Variants in WNT9B observed in about 807,000 individuals in gnomAD.
WNT9B encodes protein Wnt-9b.
WNT9B carries 12 observed loss-of-function variants against 30.2 expected under a neutral mutation model. The observed-to-expected ratio is 0.40, with a 90% CI of 0.26 to 0.64. The LOEUF (loss-of-function observed/expected upper bound fraction) is 0.64. WNT9B is among the 30% of genes least tolerant of loss of function. The pLI is 0.42. For synonymous variants in WNT9B, 218 were observed against 216.9 expected, an observed-to-expected ratio of 1.01 and a Z score of -0.05; for missense variants, 442 against 485.2, an observed-to-expected ratio of 0.91 and a Z score of 0.84.
chr17:46,873,088 ACAC>A, intron 2 of WNT9B, among the ~76,000 whole-genome samples: 1 of 2,534 alleles, frequency 3.9e-4, no homozygotes, highest in Non-Finnish European at 9.6e-4. Context: ...CTGCCTCTTC[ACAC>A]ACACACACAC....
At chr17:46,837,278 C>A (rs964730376) in intron 1 of WNT9B, among the ~76,000 whole-genome samples, 3 of 152,114 alleles carry the variant, frequency 2.0e-5, no homozygotes, top group African/African-American at 7.2e-5. Context: ...TTGTTTTGCC[C>A]CCTTCATCCC....
chr17:46,848,497 C>T (rs1340534158), upstream of WNT9B, among the ~76,000 whole-genome samples: 1 of 152,244 alleles, frequency 6.6e-6, no homozygotes, highest in Non-Finnish European at 1.5e-5. Context: ...TCATTTATGG[C>T]ACAGGCTGTA....
At chr17:46,864,375 TC>T (rs2085097389) in intron 1 of WNT9B, among the ~76,000 whole-genome samples, 1 of 152,144 alleles carries the variant, frequency 6.6e-6, no homozygotes, top group South Asian at 2.1e-4. Flanking sequence ...CCAGGCCCTC[TC>T]CTTTGAACTT....
upstream of WNT9B, chr17:46,851,551 G>A: frequency 5.8e-6 from 4 of 689,092 alleles, no homozygotes; most frequent in Non-Finnish European, 8.0e-6. This position sits in a 1 kb window ranked among gnomAD's most constrained non-coding sequence, Gnocchi z 4.3. Flanking sequence ...CGCCCCACCC[G>A]GGTTTAAAGT....
chr17:46,868,242 C>T (rs772277984), intron 1 of WNT9B, among the ~76,000 whole-genome samples: 4 of 151,398 alleles, frequency 2.6e-5, no homozygotes, highest in African/African-American at 4.8e-5. Context: ...ACCCTGGTTA[C>T]TTGTTTAACT....
At chr17:46,844,466 C>A (rs2084751216) in intron 1 of WNT9B, among the ~76,000 whole-genome samples, 1 of 152,106 alleles carries the variant, frequency 6.6e-6, no homozygotes, top group African/African-American at 2.4e-5. Context: ...AACTGTCTAC[C>A]AGTCAGGACA....
chr17:46,857,474 CAAAAAAAAA>C (rs35196121), intron 1 of WNT9B, among the ~76,000 whole-genome samples: 1 of 94,652 alleles, frequency 1.1e-5, no homozygotes, highest in Admixed American at 1.2e-4. Flanking sequence ...GACTCTGTCT[CAAAAAAAAA>C]AAAAAAAAAA....
At chr17:46,844,644 T>C (rs994873107) in intron 1 of WNT9B, among the ~76,000 whole-genome samples, 6 of 152,174 alleles carry the variant, frequency 3.9e-5, no homozygotes, top group African/African-American at 9.7e-5. Context: ...CGTCCTTCTT[T>C]TTAGAGAGTT....
In WNT9B at chr17:46,880,296, A is replaced by T. The variant is rs772487353; in HGVS notation, c.*3578A>T. Among the ~76,000 whole-genome samples, 4 of 152,128 alleles carry T rather than the reference A, an allele frequency of 2.6e-5. No individual in the cohort carries two copies. The highest frequency in any genetic ancestry group is 4.4e-5 in the Non-Finnish European group (3 of 68,008). ...AACCCTGGACATTACTTGCTTTTGA[A>T]CCTTTCCTTTCTCAACAACCATGAA... On this transcript the variant is annotated 3_prime_UTR_variant, in exon 4 of 4. Coordinates refer to ENST00000290015, the MANE Select transcript of WNT9B (RefSeq NM_003396.3).
downstream of WNT9B, among the ~76,000 whole-genome samples, chr17:46,881,330 C>A (rs1271792043): frequency 1.3e-5 from 2 of 152,240 alleles, no homozygotes; most frequent in African/African-American, 4.8e-5. Flanking sequence ...TGTTCCTGGG[C>A]CTGGAGACCA....
At chr17:46,854,327 G>A (rs537357479) in intron 1 of WNT9B, among the ~76,000 whole-genome samples, 109 of 152,276 alleles carry the variant, frequency 7.2e-4, no homozygotes, top group African/African-American at 2.4e-3. Context: ...TTCTTCCTCC[G>A]CAGTCATTTG....
Position 46,876,913 on chromosome 17 carries a change from G to A in WNT9B, c.*195G>A, listed in dbSNP as rs2085355918. On this transcript the variant is annotated 3_prime_UTR_variant, in exon 4 of 4. Transcript: ENST00000290015. Reference sequence around the variant, plus strand: ...CTCCCTCGATACTCAACAAAGAGAAGCAAAGCCTCCTCCCTTAACCCAAGC... The same window carrying A: ...CTCCCTCGATACTCAACAAAGAGAAACAAAGCCTCCTCCCTTAACCCAAGC... The A allele has an allele frequency of 7.4e-7, 1 of 1,359,206 alleles. No homozygotes were observed. The highest frequency in any genetic ancestry group is 9.5e-7 in the Non-Finnish European group (1 of 1,056,562). The allele number at this position is 1,359,206 out of a possible 1,614,324, so 84.2% of individuals were successfully genotyped here.
intron 1 of WNT9B, among the ~76,000 whole-genome samples, chr17:46,843,789 T>C (rs2084742675): frequency 6.6e-6 from 1 of 152,240 alleles, no homozygotes; most frequent in African/African-American, 2.4e-5. Context: ...TTTACACTTA[T>C]ATAGATATGT....
chr17:46,851,827 G>A lies in WNT9B; in HGVS notation c.77+112G>A. On this transcript the variant is annotated intron_variant, in intron 1 of 3. Transcript: ENST00000290015. The surrounding 1 kb of genome is among the most constrained non-coding windows in gnomAD (Gnocchi z 4.3). ...CTGTCCTTGGCCCCGCCGAGGTCTC[G>A]AACTCAGACCCTAGCCCGGCGCGAC... The A allele has an allele frequency of 2.0e-6, 1 of 508,382 alleles. No homozygotes were observed. Among genetic ancestry groups the A allele is most frequent in the Non-Finnish European group, 3.0e-6 (1 of 331,302 alleles). 31.5% of individuals were successfully genotyped at this position (508,382 alleles called of 1,614,324 possible).
chr17:46,835,068 C>A (rs1169558893), intron 1 of WNT9B, among the ~76,000 whole-genome samples: 12 of 152,200 alleles, frequency 7.9e-5, no homozygotes, highest in Admixed American at 7.9e-4. Flanking sequence ...GATCAGTGCT[C>A]ACTGTAGCCT....
At chr17:46,861,776 C>A (rs2085041693) in intron 1 of WNT9B, among the ~76,000 whole-genome samples, 1 of 152,222 alleles carries the variant, frequency 6.6e-6, no homozygotes, top group Non-Finnish European at 1.5e-5. Flanking sequence ...TTCCAAGAGG[C>A]TGGTTTTAGG....
Position 46,877,100 on chromosome 17 carries a change from T to C in WNT9B, c.*382T>C, listed in dbSNP as rs945790954. On this transcript the variant is annotated 3_prime_UTR_variant, in exon 4 of 4. Coordinates refer to ENST00000290015, the MANE Select transcript of WNT9B (RefSeq NM_003396.3). ...GAATGGCTTGGAGCCAGCATGTTCT[T>C]GGGAGGTGAACTGCTGGGCTAGGAA... The C allele has an allele frequency of 1.4e-5, 14 of 1,034,896 alleles. No individual in the cohort carries two copies. The highest frequency in any genetic ancestry group is 1.5e-5 in the Non-Finnish European group (13 of 862,110). 64.1% of individuals were successfully genotyped at this position (1,034,896 alleles called of 1,614,324 possible).
At chr17:46,851,326 G>T (rs996762860), upstream of WNT9B, among the ~76,000 whole-genome samples, 1 of 151,720 alleles carries the variant, frequency 6.6e-6, no homozygotes, top group Non-Finnish European at 1.5e-5. This position sits in a 1 kb window ranked among gnomAD's most constrained non-coding sequence, Gnocchi z 4.3. Flanking sequence ...GGGGCTTCAC[G>T]TTCAGCCACC....
intron 1 of WNT9B, among the ~76,000 whole-genome samples, chr17:46,853,142 G>A (rs1454392701): frequency 6.6e-6 from 1 of 152,086 alleles, no homozygotes; most frequent in Non-Finnish European, 1.5e-5. Context: ...CCCTCGGCAG[G>A]CAGGATGTCA....
Sources: allele counts gnomAD v4.1 joint callset (sites outside exome capture counted in the v4.1 genomes callset), GRCh38; gene constraint gnomAD v4.1.1; non-coding constraint Gnocchi (gnomAD v3.1); transcripts MANE v1.5; gene names NCBI Gene and HGNC (gene_info 2026-07-23, HGNC 2026-07-21).